Variants in TMCO4 observed in about 807,000 individuals in gnomAD.
TMCO4 encodes the protein transmembrane and coiled-coil domains 4.
TMCO4 carries 58 observed loss-of-function variants against 64.7 expected under a neutral mutation model. The ratio of observed to expected loss-of-function variants is 0.90; its 90% CI spans 0.73 to 1.12. TMCO4 has a LOEUF of 1.12. Among genes scored for constraint, TMCO4 ranks in the 50% most tolerant of loss-of-function variants. The pLI is 0.00. For missense variants in TMCO4, 780 were observed against 825.9 expected (o/e 0.94, Z 0.68); for synonymous variants, 325 against 346.1 (o/e 0.94, Z 0.68).
intron 15 of TMCO4, among the ~76,000 whole-genome samples, chr1:19,690,866 C>A (rs77481968): frequency 9.0e-6 from 1 of 111,286 alleles, no homozygotes; most frequent in Non-Finnish European, 1.8e-5. Context: ...TGTGAAGACT[C>A]TTTTTTTTTT....
intron 15 of TMCO4, among the ~76,000 whole-genome samples, chr1:19,687,378 T>C (rs1483622610): frequency 1.3e-5 from 2 of 152,212 alleles, no homozygotes; most frequent in African/African-American, 4.8e-5. Context: ...TGAGCCACGA[T>C]GCCCTGCCCC....
At chr1:19,690,256 T>C (rs1368166278) in intron 15 of TMCO4, among the ~76,000 whole-genome samples, 2 of 152,368 alleles carry the variant, frequency 1.3e-5, no homozygotes, top group Non-Finnish European at 2.9e-5. Context: ...CCAGAAAGGC[T>C]GTCATACTGG....
chr1:19,777,745 C>T (rs910512556), intron 4 of TMCO4, among the ~76,000 whole-genome samples: 2 of 152,194 alleles, frequency 1.3e-5, no homozygotes, highest in African/African-American at 4.8e-5. Context: ...TCTCTTAGTA[C>T]TGTGTTCTAT....
chr1:19,762,508 G>GGCAT (rs2042551667), intron 6 of TMCO4, among the ~76,000 whole-genome samples: 1 of 152,172 alleles, frequency 6.6e-6, no homozygotes, highest in Non-Finnish European at 1.5e-5. Context: ...AAGAGCAAGG[G>GGCAT]GCATGTCCAG....
chr1:19,732,909 G>A lies in TMCO4; in HGVS notation c.1264+4463C>T, dbSNP rs2095436200. ...TTTCTTCTTCTTTTAAAATGTAGAG[G>A]TTTTCTTTTTTTCTTTCTTCTCGTT... On this transcript the variant is annotated intron_variant, in intron 13 of 15. Transcript: ENST00000294543. This position sits in a 1 kb window ranked among gnomAD's most constrained non-coding sequence, Gnocchi z 4.8. Among the ~76,000 whole-genome samples, 1 of 151,928 alleles carries A rather than the reference G, an allele frequency of 6.6e-6. No individual in the cohort carries two copies. The highest frequency in any genetic ancestry group is 2.4e-5 in the African/African-American group (1 of 41,374).
At chr1:19,716,531 A>AT (rs890707761) in intron 13 of TMCO4, among the ~76,000 whole-genome samples, 1 of 151,204 alleles carries the variant, frequency 6.6e-6, no homozygotes, top group African/African-American at 2.4e-5. Context: ...CTCTTGGCCA[A>AT]TTTTTTTGTT....
chr1:19,773,602 G>C (rs1368069255), intron 4 of TMCO4, among the ~76,000 whole-genome samples: 1 of 152,134 alleles, frequency 6.6e-6, no homozygotes, highest in African/African-American at 2.4e-5. Context: ...AGCAGCTGGG[G>C]GTGAAAGGCC....
intron 15 of TMCO4, among the ~76,000 whole-genome samples, chr1:19,691,924 C>A (rs188754703): frequency 1.3e-5 from 2 of 152,132 alleles, no homozygotes; most frequent in Non-Finnish European, 2.9e-5. Context: ...TAAGGAGAAA[C>A]CCCTTTCACT....
At chr1:19,716,467 T>TG (rs2095357393) in intron 13 of TMCO4, among the ~76,000 whole-genome samples, 1 of 150,692 alleles carries the variant, frequency 6.6e-6, no homozygotes, top group African/African-American at 2.4e-5. Flanking sequence ...CCCGACCTCG[T>TG]GATTTGCCTT....
chr1:19,712,512 C>T (rs1181141281), intron 13 of TMCO4, among the ~76,000 whole-genome samples: 2 of 150,544 alleles, frequency 1.3e-5, no homozygotes, highest in African/African-American at 4.9e-5. Context: ...CCCAGCTACT[C>T]GGGAGGCTGA....
chr1:19,750,723 G>C (rs1230176190), intron 7 of TMCO4, among the ~76,000 whole-genome samples: 1 of 152,152 alleles, frequency 6.6e-6, no homozygotes, highest in African/African-American at 2.4e-5. Flanking sequence ...ATACTGAGCT[G>C]TCTCCAGTCA....
chr1:19,783,676 GC>G (rs1343869864), intron 3 of TMCO4, among the ~76,000 whole-genome samples: 1 of 152,188 alleles, frequency 6.6e-6, no homozygotes, highest in Non-Finnish European at 1.5e-5. Flanking sequence ...CGAGGAACAG[GC>G]TCAGAAAGAC....
intron 3 of TMCO4, among the ~76,000 whole-genome samples, chr1:19,785,371 T>C (rs1258210868): frequency 2.0e-5 from 3 of 152,190 alleles, no homozygotes; most frequent in African/African-American, 7.2e-5. Flanking sequence ...TTTGTTTGTT[T>C]CTTTTGTTTT....
intron 7 of TMCO4, among the ~76,000 whole-genome samples, chr1:19,752,838 G>A (rs930569731): frequency 7.3e-5 from 11 of 150,994 alleles, no homozygotes; most frequent in African/African-American, 2.7e-4. Context: ...ACACTTAGGG[G>A]GCTGTTATGA....
At chr1:19,685,414 G>A (rs2095138937) in intron 15 of TMCO4, among the ~76,000 whole-genome samples, 1 of 152,214 alleles carries the variant, frequency 6.6e-6, no homozygotes, top group East Asian at 1.9e-4. Flanking sequence ...GAACTCAGAA[G>A]TGGCCACCCC....
rs74058621 is a variant in TMCO4, at chr1:19,737,721, C to A, written c.1180-265G>T. ...CGGCTGGGTTAATTCCCTTTCATCT[C>A]AAATCATTATCCAGCCACCGTCTCA... On this transcript the variant is annotated intron_variant, in intron 12 of 15. Coordinates refer to ENST00000294543, the MANE Select transcript of TMCO4 (RefSeq NM_181719.7). Among the ~76,000 whole-genome samples, 1,294 of 152,378 alleles carry A rather than the reference C, an allele frequency of 8.5e-3. 16 individuals carry two copies. The highest frequency in any genetic ancestry group is 0.029 in the African/African-American group (1,223 of 41,584).
intron 7 of TMCO4, 52 bp downstream of exon 7, chr1:19,755,582 A>G: frequency 6.2e-7 from 1 of 1,609,440 alleles, no homozygotes. Context: ...TCTGCAAAGT[A>G]CACTGAAGTG....
chr1:19,734,362 G>A lies in TMCO4; in HGVS notation c.1264+3010C>T, dbSNP rs371641800. On this transcript the variant is annotated intron_variant, in intron 13 of 15. Transcript: ENST00000294543. The surrounding 1 kb of genome is among the most constrained non-coding windows in gnomAD (Gnocchi z 4.4). ...CTGCCGTGTGAGTGTGTGCAGATGCGTGTATGAATGTGTGCAGGTGTGTGT... is the reference window on the plus strand; with the variant it reads ...CTGCCGTGTGAGTGTGTGCAGATGCATGTATGAATGTGTGCAGGTGTGTGT... 1.8e-3 allele frequency among the ~76,000 whole-genome samples: 271 copies of A among 152,266 alleles called. 4 individuals carry two copies. The South Asian group carries it at 0.026, about 15-fold the overall frequency.
At chr1:19,785,092 C>T (rs2043670969) in intron 3 of TMCO4, among the ~76,000 whole-genome samples, 1 of 152,162 alleles carries the variant, frequency 6.6e-6, no homozygotes, top group South Asian at 2.1e-4. Flanking sequence ...TGCTCATTCC[C>T]TCCAGGCCCT....
Sources: allele counts gnomAD v4.1 joint callset (sites outside exome capture counted in the v4.1 genomes callset), GRCh38; gene constraint gnomAD v4.1.1; non-coding constraint Gnocchi (gnomAD v3.1); transcripts MANE v1.5; gene names NCBI Gene and HGNC (gene_info 2026-07-23, HGNC 2026-07-21).